PDZD4: variants seen among roughly 807,000 people sequenced by gnomAD.
PDZD4 encodes the protein PDZ domain containing 4, also known as PDZ domain-containing protein 4.
Under a neutral mutation model 38.5 loss-of-function variants are expected in PDZD4, and 9 were observed. That is an observed-to-expected ratio of 0.23 (90% CI 0.14 to 0.41). PDZD4 has a LOEUF of 0.41. Among genes scored for constraint, PDZD4 ranks in the 10% least tolerant of loss-of-function variants. The probability of loss-of-function intolerance (pLI) is 1.00; values close to 1 mark genes in which losing one functional copy is unlikely to be tolerated. For missense variants in PDZD4, 612 were observed against 722.0 expected (o/e 0.85, Z 1.75); for synonymous variants, 349 against 315.7 (o/e 1.11, Z -1.12).
In PDZD4 at chrX:153,827,899, G is replaced by A. The variant is rs189701812; in HGVS notation, c.60+2340C>T. Among the ~76,000 whole-genome samples, 6 of 112,095 alleles carry A rather than the reference G, an allele frequency of 5.4e-5. No individual in the cohort carries two copies. The East Asian group carries it at 1.7e-3, about 31-fold the overall frequency. On this transcript the variant is annotated intron_variant, in intron 1 of 7. Coordinates refer to ENST00000393758, the MANE Select transcript of PDZD4 (RefSeq NM_001303512.2). ...ATTTTGGAAGTGTTGTGAGTCATTG[G>A]CAGAAAATGGCTTGGAACACAAGGC...
At chrX:153,806,159 C>T in intron 4 of PDZD4, 26 bp from the exon 5 acceptor site, 1 of 1,206,844 alleles carries the variant, frequency 8.3e-7, no homozygotes, top group Non-Finnish European at 1.1e-6. Flanking sequence ...ATCTTGGGGA[C>T]TTGGTGCCTA....
chrX:153,803,769 C>G lies in PDZD4; in HGVS notation c.1912G>C (p.Gly638Arg). 8.3e-7 allele frequency: 1 copy of G among 1,208,138 alleles called. No homozygotes were observed. ...GGCCGCTTGGCCACGTAGCGGGTTC[C>G]GTCGCTGCGCACCTTCACTTTCCAC... ...MEWKVKVRSD[G>R]TRYVAKRPVR... The change falls in exon 8 of 8, where the codon GGA becomes CGA. Residue 638 changes from glycine to arginine, a missense_variant. This residue lies in a region of PDZD4 where 300 missense variants were observed against 284.6 expected (regional missense o/e 1.05). Coordinates refer to ENST00000393758, the MANE Select transcript of PDZD4 (RefSeq NM_001303512.2).
At chrX:153,806,931 C>G (rs1162785671) in intron 3 of PDZD4, 91 bp from the exon 4 acceptor site, 2 of 771,028 alleles carry the variant, frequency 2.6e-6, no homozygotes, top group Admixed American at 5.0e-5. Context: ...CCCCTCAGCC[C>G]GCAACCCCTC....
At chrX:153,818,755 G>A (rs1557080516) in intron 1 of PDZD4, among the ~76,000 whole-genome samples, 1 of 111,944 alleles carries the variant, frequency 8.9e-6, no homozygotes, top group African/African-American at 3.2e-5. Context: ...GCTTTTTGCA[G>A]AGAAGGAGCA....
At chrX:153,806,385 T>C (rs2064249743) in intron 4 of PDZD4, among the ~76,000 whole-genome samples, 1 of 112,434 alleles carries the variant, frequency 8.9e-6, no homozygotes, top group South Asian at 3.6e-4. Flanking sequence ...AAGTAGGACA[T>C]TGTCCATCTG....
chrX:153,820,164 T>C (rs1276044892), intron 1 of PDZD4, among the ~76,000 whole-genome samples: 1 of 108,860 alleles, frequency 9.2e-6, no homozygotes, highest in African/African-American at 3.4e-5. Flanking sequence ...ATGGCCAATA[T>C]GGTGAAACCC....
rs782717097 is a variant in PDZD4 at position 153,804,986 on chromosome X, A to T, written c.781-86T>A. On this transcript the variant is annotated intron_variant, in intron 7 of 7. Transcript: ENST00000393758. ...TCACAGGAGGATCGGAAGGGGCTTCAGGCCTGGTTCATTTCCCTGCCAAGC... is the reference window on the plus strand; with the variant it reads ...TCACAGGAGGATCGGAAGGGGCTTCTGGCCTGGTTCATTTCCCTGCCAAGC... The T allele has an allele frequency of 5.3e-6, 6 of 1,123,165 alleles. No individual in the cohort carries two copies. The African/African-American group carries it at 9.0e-5, about 17-fold the overall frequency. 92.6% of individuals were successfully genotyped at this position (1,123,165 alleles called of 1,213,427 possible). A position where few individuals can be genotyped will look rare whatever the true frequency, so the allele number is the denominator to read the frequency against.
intron 2 of PDZD4, chrX:153,808,090 C>T (rs1557077719): frequency 1.9e-6 from 2 of 1,063,225 alleles, no homozygotes; most frequent in Non-Finnish European, 2.4e-6. Flanking sequence ...GGCCCTCAAC[C>T]CTGGCACTTC....
At chrX:153,807,565 C>G (rs2064264403) in intron 2 of PDZD4, among the ~76,000 whole-genome samples, 196 bp from the exon 3 acceptor site, 1 of 113,416 alleles carries the variant, frequency 8.8e-6, no homozygotes, top group African/African-American at 3.2e-5. Flanking sequence ...GGGGGCACTT[C>G]TCGCACCTGA....
intron 4 of PDZD4, 137 bp downstream of exon 4, chrX:153,806,605 C>T: frequency 1.9e-6 from 1 of 529,964 alleles, no homozygotes; most frequent in Admixed American, 2.9e-5. Context: ...CTGAAGCCGT[C>T]GACCATCATC....
chrX:153,818,625 T>C (rs2064386465), intron 1 of PDZD4, among the ~76,000 whole-genome samples: 1 of 106,392 alleles, frequency 9.4e-6, no homozygotes, highest in Non-Finnish European at 1.9e-5. Flanking sequence ...GCCGAGGAGC[T>C]GCTCAATGCA....
At chrX:153,826,216 C>CAAAA (rs199601688) in intron 1 of PDZD4, among the ~76,000 whole-genome samples, 1 of 38,853 alleles carries the variant, frequency 2.6e-5, no homozygotes, top group Non-Finnish European at 5.1e-5. Context: ...GACTGTGTCT[C>CAAAA]AAAAAAAAAA....
rs371176008 is a variant in PDZD4 at position 153,804,908 on chromosome X, A to G, written c.781-8T>C. 2 of 1,201,533 alleles carry G rather than the reference A, an allele frequency of 1.7e-6. No homozygotes were observed. Among genetic ancestry groups the G allele is most frequent in the South Asian group, 1.8e-5 (1 of 55,832 alleles). ...CTCCTCTTCGTTTCCGGGCTAGAGC[A>G]GAAAGGTAAGTACCGCTCAGTTAGG... On this transcript the variant is annotated splice_polypyrimidine_tract_variant and splice_region_variant and intron_variant, in intron 7 of 7. Coordinates refer to ENST00000393758, the MANE Select transcript of PDZD4 (RefSeq NM_001303512.2).
intron 1 of PDZD4, among the ~76,000 whole-genome samples, chrX:153,826,247 G>T (rs1311020642): frequency 9.5e-6 from 1 of 105,752 alleles, no homozygotes; most frequent in Non-Finnish European, 1.9e-5. Context: ...AGAAAGAAAA[G>T]AAAAGAAATC....
In PDZD4 at chrX:153,803,685, T is replaced by C; in HGVS notation, c.1996A>G (p.Met666Val). ...CTCACCGCGTCGTCGTCGGTCGTCA[T>C]ACCGCTGCGCTCCTCCCGGATCTTC... ...ALKIREERSG[M>V]TTDDDAVSEM... The change falls in exon 8 of 8, where the codon ATG becomes GTG. Residue 666 changes from methionine to valine, a missense_variant. Around this residue, in one of 3 missense-constraint regions of PDZD4, gnomAD observed 87 missense variants for 126.3 expected, o/e 0.69. Coordinates refer to ENST00000393758, the MANE Select transcript of PDZD4 (RefSeq NM_001303512.2). 8.3e-7 allele frequency: 1 copy of C among 1,210,474 alleles called. No individual in the cohort carries two copies. The highest frequency in any genetic ancestry group is 1.1e-6 in the Non-Finnish European group (1 of 895,597).
rs782291507 is a variant in PDZD4 at position 153,804,332 on chromosome X, G to A, written c.1349C>T (p.Ala450Val). Reference protein sequence around the residue: ...LLEEESLYDLAASEPKKHELS... With the variant: ...LLEEESLYDLVASEPKKHELS... Reference sequence around the variant, plus strand: ...CTCGTGCTTCTTGGGCTCGCTGGCCGCCAGGTCGTAGAGGCTCTCCTCCTC... The same window carrying A: ...CTCGTGCTTCTTGGGCTCGCTGGCCACCAGGTCGTAGAGGCTCTCCTCCTC... The change falls in exon 8 of 8, where the codon GCG becomes GTG. Residue 450 changes from alanine to valine, a missense_variant. Ala to Val is a moderately conservative substitution (Grantham distance 64, BLOSUM62 0). Coordinates refer to ENST00000393758, the MANE Select transcript of PDZD4 (RefSeq NM_001303512.2). 1.6e-5 allele frequency: 19 copies of A among 1,206,634 alleles called. No individual in the cohort carries two copies. In the East Asian group the frequency reaches 3.8e-4, roughly 24 times the overall value.
chrX:153,813,936 T>C lies in PDZD4; in HGVS notation c.61-5341A>G, dbSNP rs782020220. Among the ~76,000 whole-genome samples the C allele has an allele frequency of 1.3e-4, 15 of 112,410 alleles. No homozygotes were observed. In the South Asian group the frequency reaches 5.1e-3, roughly 38 times the overall value. On this transcript the variant is annotated intron_variant, in intron 1 of 7. Transcript: ENST00000393758. ...TAACAGTTTGCTGAAGATAAAACTT[T>C]AATATGTTTCTTGGCTGAATTAAAA...
intron 1 of PDZD4, among the ~76,000 whole-genome samples, chrX:153,818,969 G>A (rs1350752472): frequency 8.9e-6 from 1 of 112,549 alleles, no homozygotes; most frequent in Admixed American, 9.2e-5. Context: ...CAGTCGCTGT[G>A]GGGCGGCGAT....
In PDZD4 at chrX:153,805,541, G is replaced by A; in HGVS notation, c.633C>T (p.Thr211=). 2.5e-6 allele frequency: 3 copies of A among 1,210,791 alleles called. No individual in the cohort carries two copies. The highest frequency in any genetic ancestry group is 3.4e-6 in the Non-Finnish European group (3 of 895,221). ...AVAILSQEEN[T]NISLLVARPE... ...GTCGGGCCACCAGCAGGGAGATGTT[G>A]GTGTTCTCTTCCTGGCTCAGGATGG... Residue 211 remains threonine, a synonymous_variant, in exon 6 of 8, where the codon ACC becomes ACT. Coordinates refer to ENST00000393758, the MANE Select transcript of PDZD4 (RefSeq NM_001303512.2).
Sources: allele counts gnomAD v4.1 joint callset (sites outside exome capture counted in the v4.1 genomes callset), GRCh38; gene constraint gnomAD v4.1.1; regional missense constraint gnomAD v4.1.1; transcripts MANE v1.5; gene names NCBI Gene and HGNC (gene_info 2026-07-23, HGNC 2026-07-21).